SYN3: variants seen among roughly 807,000 people sequenced by gnomAD.
The protein encoded by SYN3 is synapsin-3.
In SYN3, 35 loss-of-function variants were observed where a neutral mutation model predicts 65.8. The ratio of observed to expected loss-of-function variants is 0.53; its 90% CI spans 0.41 to 0.70. The LOEUF (loss-of-function observed/expected upper bound fraction) is 0.70, where lower values mean the gene tolerates loss of function less well. Among genes scored for constraint, SYN3 ranks in the 30% least tolerant of loss-of-function variants. The probability of loss-of-function intolerance (pLI) is 0.00; values close to 1 mark genes in which losing one functional copy is unlikely to be tolerated. For missense variants in SYN3, 680 were observed against 749.0 expected, an observed-to-expected ratio of 0.91 and a Z score of 1.08; for synonymous variants, 270 against 292.9, an observed-to-expected ratio of 0.92 and a Z score of 0.80.
Position 33,006,512 on chromosome 22 carries a change from A to AGCC in SYN3, c.150_151insGGC (p.Ala50_Ser51insGly). ...AGGCTGGATCCTGGAGAGGAGAAGG[A>AGCC]GGCAGCCAGGGGCTGGGGGTGCCTC... On this transcript the variant is annotated inframe_insertion, in exon 2 of 14. Transcript: ENST00000358763. The AGCC allele has an allele frequency of 6.2e-7, 1 of 1,614,184 alleles. No individual in the cohort carries two copies. Among genetic ancestry groups the AGCC allele is most frequent in the Non-Finnish European group, 8.5e-7 (1 of 1,180,034 alleles).
intron 2 of SYN3, among the ~76,000 whole-genome samples, chr22:32,993,623 C>T (rs896260231): frequency 5.9e-5 from 9 of 152,214 alleles, no homozygotes; most frequent in Non-Finnish European, 1.0e-4. Flanking sequence ...GGATTACAGG[C>T]GTGAGCCACC....
intron 8 of SYN3, among the ~76,000 whole-genome samples, chr22:32,540,529 A>G (rs1437724271): frequency 1.3e-5 from 2 of 152,234 alleles, no homozygotes; most frequent in East Asian, 3.8e-4. Flanking sequence ...ATAACATTCC[A>G]GAGTGAAAGA....
chr22:32,965,967 T>C (rs976009219), intron 3 of SYN3, among the ~76,000 whole-genome samples: 34 of 152,170 alleles, frequency 2.2e-4, no homozygotes, highest in Non-Finnish European at 4.6e-4. Flanking sequence ...GTGCTGGGAT[T>C]ACAGGCACGG....
chr22:32,818,006 C>A (rs2047132902), intron 6 of SYN3, among the ~76,000 whole-genome samples: 1 of 152,192 alleles, frequency 6.6e-6, no homozygotes, highest in African/African-American at 2.4e-5. Flanking sequence ...ATACAAATTT[C>A]AAGAGCTTCA....
chr22:32,554,616 C>T (rs922987946), intron 7 of SYN3, among the ~76,000 whole-genome samples: 1 of 152,162 alleles, frequency 6.6e-6, no homozygotes, highest in Admixed American at 6.5e-5. Flanking sequence ...GGCTCGTACC[C>T]CTGCTTTCTT....
rs917493879 is a variant in SYN3 at position 32,512,632 on chromosome 22, A to G, written c.*1060T>C. 2 of 152,252 alleles carry G rather than the reference A, an allele frequency of 1.3e-5. No individual in the cohort carries two copies. The highest frequency in any genetic ancestry group is 4.8e-5 in the African/African-American group (2 of 41,468). The allele number at this position is 152,252 out of a possible 1,614,324, so 9.4% of individuals were successfully genotyped here. A position where few individuals can be genotyped will look rare whatever the true frequency, so the allele number is the denominator to read the frequency against. Reference sequence around the variant, plus strand: ...TATATTATATACAATGCGTCTCCAAAAAAAGAAATACAAACAGCGGTTCCT... The same window carrying G: ...TATATTATATACAATGCGTCTCCAAGAAAAGAAATACAAACAGCGGTTCCT... On this transcript the variant is annotated 3_prime_UTR_variant, in exon 14 of 14. Transcript: ENST00000358763.
At chr22:32,578,622 T>A (rs773769742) in intron 7 of SYN3, among the ~76,000 whole-genome samples, 5 of 152,174 alleles carry the variant, frequency 3.3e-5, no homozygotes, top group African/African-American at 7.2e-5. Flanking sequence ...ACCAACATTT[T>A]AAAAAATAAA....
Position 32,512,584 on chromosome 22 carries a change from A to T in SYN3, c.*1108T>A, listed in dbSNP as rs1244488188. The T allele has an allele frequency of 2.6e-5, 4 of 152,258 alleles. No individual in the cohort carries two copies. Among genetic ancestry groups the T allele is most frequent in the African/African-American group, 9.6e-5 (4 of 41,466 alleles). 9.4% of individuals were successfully genotyped at this position (152,258 alleles called of 1,614,324 possible). On this transcript the variant is annotated 3_prime_UTR_variant, in exon 14 of 14. Transcript: ENST00000358763. ...TTAACAAAGCTGATTTCTTTCCTGC[A>T]GGAATTCCGAAAGCCTTTGACATAT...
At chr22:32,523,406 G>A (rs1014614158) in intron 12 of SYN3, among the ~76,000 whole-genome samples, 4 of 152,150 alleles carry the variant, frequency 2.6e-5, no homozygotes, top group South Asian at 2.1e-4. Flanking sequence ...CCAGCTACCC[G>A]GGAGGCTGAG....
intron 6 of SYN3, among the ~76,000 whole-genome samples, chr22:32,665,592 C>T (rs975777453): frequency 2.6e-5 from 4 of 151,706 alleles, no homozygotes; most frequent in African/African-American, 4.8e-5. Flanking sequence ...TTTGCAATCG[C>T]GAATTTTTAG....
In SYN3 at chr22:32,864,919, G is replaced by A. The variant is rs751317367; in HGVS notation, c.707C>T (p.Pro236Leu). 15 of 1,613,492 alleles carry A rather than the reference G, an allele frequency of 9.3e-6. No homozygotes were observed. Among genetic ancestry groups the A allele is most frequent in the Non-Finnish European group, 1.2e-5 (14 of 1,179,440 alleles). The change falls in exon 6 of 14, where the codon CCA becomes CTA. Residue 236 changes from proline to leucine, a missense_variant. Pro to Leu is a moderately conservative substitution (Grantham distance 98). Transcript: ENST00000358763. Reference sequence around the variant, plus strand: ...AGAGTAAAAAAGGGCACTCACCATTGGCTTATGGTTGGGGAAAAATGTTTG... The same window carrying A: ...AGAGTAAAAAAGGGCACTCACCATTAGCTTATGGTTGGGGAAAAATGTTTG... ...VEQTFFPNHK[P>L]MVTAPHFPVV...
chr22:32,569,553 C>CAA (rs1569048217), intron 7 of SYN3, among the ~76,000 whole-genome samples: 4 of 84,638 alleles, frequency 4.7e-5, no homozygotes, highest in African/African-American at 2.0e-4. Context: ...CTCTCTCTCT[C>CAA]TCTCTCTCTC....
chr22:32,906,312 G>T (rs2049900993), intron 4 of SYN3, among the ~76,000 whole-genome samples: 1 of 152,086 alleles, frequency 6.6e-6, no homozygotes, highest in African/African-American at 2.4e-5. Context: ...CCTGGAGTGG[G>T]GAACAGGAAC....
chr22:32,637,615 T>C (rs1407421231), intron 6 of SYN3, among the ~76,000 whole-genome samples: 1 of 129,342 alleles, frequency 7.7e-6, no homozygotes, highest in African/African-American at 3.3e-5. Context: ...AGTTAGGTTT[T>C]CTTTTTTTCT....
chr22:32,776,004 C>A (rs2045899370), intron 6 of SYN3, among the ~76,000 whole-genome samples: 1 of 152,054 alleles, frequency 6.6e-6, no homozygotes, highest in African/African-American at 2.4e-5. Context: ...CCCAGGTGGG[C>A]CCTAAATACG....
chr22:32,863,410 G>A (rs1007956442), intron 6 of SYN3, among the ~76,000 whole-genome samples: 6 of 152,142 alleles, frequency 3.9e-5, no homozygotes, highest in East Asian at 1.9e-4. Flanking sequence ...GGGGAGGGGC[G>A]GCCTGCAAAC....
At chr22:32,891,041 T>C (rs1173034556) in intron 4 of SYN3, among the ~76,000 whole-genome samples, 1 of 152,180 alleles carries the variant, frequency 6.6e-6, no homozygotes. Context: ...CCTCTTTGGC[T>C]GTTCCCTGCA....
chr22:32,665,696 T>C (rs887745556), intron 6 of SYN3, among the ~76,000 whole-genome samples: 2 of 152,102 alleles, frequency 1.3e-5, no homozygotes, highest in Non-Finnish European at 2.9e-5. Context: ...CCTCCCTTAG[T>C]CGCCATCACA....
chr22:32,808,248 C>A (rs1043381564), intron 6 of SYN3, among the ~76,000 whole-genome samples: 6 of 152,202 alleles, frequency 3.9e-5, no homozygotes. Context: ...GTGTTTTGAA[C>A]ACACATACAC....
Sources: gnomAD v4.1 joint callset for allele counts (sites outside exome capture counted in the v4.1 genomes callset) on GRCh38, gnomAD v4.1.1 for gene constraint, MANE v1.5 for transcripts, NCBI Gene and HGNC (gene_info 2026-07-23, HGNC 2026-07-21) for gene names.